TGFBRAP1: variants seen among roughly 807,000 people sequenced by gnomAD.
The protein encoded by TGFBRAP1 is transforming growth factor-beta receptor-associated protein 1.
Under a neutral mutation model 83.2 loss-of-function variants are expected in TGFBRAP1, and 20 were observed. The ratio of observed to expected loss-of-function variants is 0.24; its 90% confidence interval spans 0.17 to 0.35. The LOEUF (loss-of-function observed/expected upper bound fraction) is 0.35. Among genes scored for constraint, TGFBRAP1 ranks in the 10% least tolerant of loss-of-function variants. TGFBRAP1 has a pLI of 1.00. For synonymous variants in TGFBRAP1, 415 were observed against 459.8 expected (o/e 0.90, Z 1.25); for missense variants, 950 against 1,099.4 (o/e 0.86, Z 1.92).
downstream of TGFBRAP1, among the ~76,000 whole-genome samples, chr2:105,262,639 A>G (rs1010816519): frequency 2.0e-5 from 3 of 152,198 alleles, no homozygotes; most frequent in Non-Finnish European, 2.9e-5. Flanking sequence ...CAGAGCCCCA[A>G]GAAGCCCACG....
At position 105,266,694 on chromosome 2, in the gene TGFBRAP1, A is replaced by T. The variant is rs547843699; in HGVS notation, c.*689T>A. The T allele has an allele frequency of 6.6e-6, 1 of 152,234 alleles. No individual in the cohort carries two copies. Among genetic ancestry groups the T allele is most frequent in the South Asian group, 2.1e-4 (1 of 4,826 alleles). The allele number at this position is 152,234 out of a possible 1,614,324, so 9.4% of individuals were successfully genotyped here. ...GATCTTCACTTGCTAGGCAGCCAGA[A>T]GCATTAGTTCACCCAAGAGTGAGTG... On this transcript the variant is annotated 3_prime_UTR_variant, in exon 12 of 12. Transcript: ENST00000393359.
At chr2:105,300,901 G>A (rs1678265606) in intron 2 of TGFBRAP1, among the ~76,000 whole-genome samples, 1 of 152,170 alleles carries the variant, frequency 6.6e-6, no homozygotes, top group African/African-American at 2.4e-5. Context: ...TAATCAGTTT[G>A]TTAGGATAAC....
At chr2:105,308,994 T>C (rs1678611729) in intron 1 of TGFBRAP1, among the ~76,000 whole-genome samples, 1 of 151,876 alleles carries the variant, frequency 6.6e-6, no homozygotes, top group Non-Finnish European at 1.5e-5. Flanking sequence ...ATGTGGAGAG[T>C]AAAGGTGTGC....
chr2:105,249,442 T>C, the TGFBRAP1 span: 1 of 152,164 alleles, frequency 6.6e-6, no homozygotes, highest in Admixed American at 6.5e-5. Flanking sequence ...AGTAAGCATA[T>C]CTCTAACACA....
intron 2 of TGFBRAP1, among the ~76,000 whole-genome samples, 159 bp from the exon 3 acceptor site, chr2:105,298,864 T>G (rs1459612111): frequency 6.6e-6 from 1 of 152,196 alleles, no homozygotes; most frequent in Non-Finnish European, 1.5e-5. Flanking sequence ...GCTGTATGTG[T>G]GAAGAGCCCT....
At chr2:105,316,670 T>C (rs1375406582) in intron 1 of TGFBRAP1, among the ~76,000 whole-genome samples, 1 of 151,818 alleles carries the variant, frequency 6.6e-6, no homozygotes, top group African/African-American at 2.4e-5. Context: ...AAAAATTAGC[T>C]GGGCGTGGCT....
intron 1 of TGFBRAP1, among the ~76,000 whole-genome samples, chr2:105,316,567 C>A (rs895891983): frequency 6.6e-6 from 1 of 151,824 alleles, no homozygotes; most frequent in Non-Finnish European, 1.5e-5. Context: ...GTAATCCCAG[C>A]ACTTTGGGAG....
the TGFBRAP1 span, among the ~76,000 whole-genome samples, chr2:105,257,474 G>A: frequency 2.6e-5 from 4 of 152,068 alleles, no homozygotes; most frequent in Non-Finnish European, 5.9e-5. Context: ...GTATGAACCT[G>A]ACTATTCTAG....
chr2:105,308,410 A>T, intron 1 of TGFBRAP1, 92 bp from the exon 2 acceptor site: 1 of 1,256,984 alleles, frequency 8.0e-7, no homozygotes, highest in Non-Finnish European at 1.1e-6. Context: ...CCTAGTTGTC[A>T]TTTTCATTAA....
chr2:105,280,010 C>A (rs1047258368), intron 6 of TGFBRAP1, among the ~76,000 whole-genome samples: 3 of 151,012 alleles, frequency 2.0e-5, no homozygotes, highest in Admixed American at 1.3e-4. Flanking sequence ...TGTACTCCAG[C>A]CTGGGTGACA....
the TGFBRAP1 span, among the ~76,000 whole-genome samples, chr2:105,257,971 G>A: frequency 6.6e-6 from 1 of 152,024 alleles, no homozygotes; most frequent in South Asian, 2.1e-4. Context: ...ATATACTTGT[G>A]GAATGAATGA....
intron 4 of TGFBRAP1, among the ~76,000 whole-genome samples, chr2:105,285,074 G>A (rs1005980560): frequency 2.0e-5 from 3 of 152,216 alleles, no homozygotes; most frequent in Admixed American, 1.3e-4. Flanking sequence ...CGTCCAGCAT[G>A]GCTGGTGTCC....
the TGFBRAP1 span, among the ~76,000 whole-genome samples, chr2:105,251,842 A>C: frequency 1.3e-5 from 2 of 149,328 alleles, no homozygotes; most frequent in South Asian, 2.2e-4. Flanking sequence ...CTGTGACCTT[A>C]CCCCCAACCC....
intron 1 of TGFBRAP1, among the ~76,000 whole-genome samples, chr2:105,308,898 C>T (rs922315188): frequency 9.8e-5 from 15 of 152,352 alleles, no homozygotes; most frequent in Non-Finnish European, 2.1e-4. Context: ...GCCAGGAACA[C>T]CGAGGCAGAC....
the TGFBRAP1 span, among the ~76,000 whole-genome samples, chr2:105,253,438 T>C: frequency 6.6e-6 from 1 of 152,054 alleles, no homozygotes; most frequent in Non-Finnish European, 1.5e-5. Flanking sequence ...TGGCCTTGTT[T>C]GTTTTTTTTA....
chr2:105,315,931 A>T (rs1678840843), intron 1 of TGFBRAP1, among the ~76,000 whole-genome samples: 1 of 152,198 alleles, frequency 6.6e-6, no homozygotes, highest in Admixed American at 6.6e-5. Context: ...ATATTACCCA[A>T]AAAAAGGGAA....
chr2:105,273,943 C>T (rs1443514544), intron 8 of TGFBRAP1, among the ~76,000 whole-genome samples: 1 of 152,100 alleles, frequency 6.6e-6, no homozygotes, highest in Non-Finnish European at 1.5e-5. Context: ...GATAGAAAAG[C>T]CAGCCTATAC....
In TGFBRAP1 at chr2:105,269,447, TG is replaced by T. The variant is rs1677069842; in HGVS notation, c.2230del (p.His744ThrfsTer27). 2 of 1,613,690 alleles carry T rather than the reference TG, an allele frequency of 1.2e-6. No homozygotes were observed. Among genetic ancestry groups the T allele is most frequent in the Non-Finnish European group, 1.7e-6 (2 of 1,179,944 alleles). On this transcript the variant is annotated frameshift_variant, in exon 11 of 12. Transcript: ENST00000393359. LOFTEE classifies it high-confidence loss of function. This position sits in a 1 kb window ranked among gnomAD's most constrained non-coding sequence, Gnocchi z 4.1. ...AVAAVDLLNR[H>X]ATEFDAAQVL... The stretch of plus-strand genomic sequence containing the variant: ...CTGGGCTGCATCAAATTCGGTGGCG[TG>T]GCGGTTCAGCAGGTCCACGGCAGCC...
Position 105,267,558 on chromosome 2 carries a change from A to G in TGFBRAP1, c.2408T>C (p.Met803Thr). ...SENLIYTYDK[M>T]KLKGSSIQLS... ...TTGGATTGAGCTTCCTTTCAACTTC[A>G]TCTGCAAGAAGAAACCAAGACTGAG... Residue 803 changes from methionine (M) to threonine (T), a missense_variant and splice_region_variant, in exon 12 of 12, where the codon ATG becomes ACG. By Grantham distance (81) the Met-to-Thr change is moderately conservative. Coordinates refer to ENST00000393359, the MANE Select transcript of TGFBRAP1 (RefSeq NM_004257.6). 6.2e-7 allele frequency: 1 copy of G among 1,614,214 alleles called. No homozygotes were observed. Among genetic ancestry groups the G allele is most frequent in the Non-Finnish European group, 8.5e-7 (1 of 1,180,036 alleles).
Sources: allele counts gnomAD v4.1 joint callset (sites outside exome capture counted in the v4.1 genomes callset), GRCh38; gene constraint gnomAD v4.1.1; non-coding constraint Gnocchi (gnomAD v3.1); transcripts MANE v1.5; gene names NCBI Gene and HGNC (gene_info 2026-07-23, HGNC 2026-07-21).